Variants in CHD7 observed in about 807,000 individuals in gnomAD.
CHD7 encodes chromodomain helicase DNA binding protein 7.
In CHD7, 24 loss-of-function variants were observed where a neutral mutation model predicts 307.3. The observed-to-expected ratio is 0.08, with a 90% confidence interval of 0.06 to 0.11. The LOEUF (loss-of-function observed/expected upper bound fraction) is 0.11, where lower values mean the gene tolerates loss of function less well. CHD7 is among the 10% of genes least tolerant of loss of function. The probability of loss-of-function intolerance (pLI) is 1.00; values close to 1 mark genes in which losing one functional copy is unlikely to be tolerated. For synonymous variants in CHD7, 1,363 were observed against 1,349.9 expected, an observed-to-expected ratio of 1.01 and a Z score of -0.21; for missense variants, 3,106 against 3,727.1, an observed-to-expected ratio of 0.83 and a Z score of 4.34.
chr8:60,797,953 G>A (rs1812109054), intron 4 of CHD7, among the ~76,000 whole-genome samples: 1 of 152,186 alleles, frequency 6.6e-6, no homozygotes, highest in African/African-American at 2.4e-5. Flanking sequence ...CTCACATTAT[G>A]TACCATGTAC....
chr8:60,776,697 G>A (rs1810970968), intron 2 of CHD7, among the ~76,000 whole-genome samples: 1 of 152,052 alleles, frequency 6.6e-6, no homozygotes, highest in Admixed American at 6.6e-5. Flanking sequence ...TTTTTTATCA[G>A]TGTCATTGTT....
At chr8:60,844,112 C>T (rs1309102088) in intron 21 of CHD7, among the ~76,000 whole-genome samples, 1 of 152,216 alleles carries the variant, frequency 6.6e-6, no homozygotes, top group Non-Finnish European at 1.5e-5. Flanking sequence ...GCTGCCTGCC[C>T]CCGTACCTAT....
chr8:60,808,430 A>C (rs1812639023), intron 7 of CHD7, among the ~76,000 whole-genome samples, 158 bp downstream of exon 7: 1 of 152,164 alleles, frequency 6.6e-6, no homozygotes, highest in South Asian at 2.1e-4. Flanking sequence ...TGTATGTTTG[A>C]TATTTTATGA....
At chr8:60,803,194 C>T (rs1230479520) in intron 6 of CHD7, among the ~76,000 whole-genome samples, 1 of 152,036 alleles carries the variant, frequency 6.6e-6, no homozygotes, top group East Asian at 1.9e-4. Flanking sequence ...AAGAACAATC[C>T]CCTTCACTGA....
Position 60,822,743 on chromosome 8 carries a change from C to G in CHD7, c.3198C>G (p.Pro1066=), listed in dbSNP as rs1370913229. ...IQLYEMYFKD[P]QGRVIKGSYK... ...TGTATGAAATGTACTTCAAAGATCC[C>G]CAGGTAAACCTTCACAGGTTGTATT... The change falls in exon 12 of 38, where the codon CCC becomes CCG. Residue 1066 remains proline (P), a synonymous_variant. Coordinates refer to ENST00000423902, the MANE Select transcript of CHD7 (RefSeq NM_017780.4). 6.2e-7 allele frequency: 1 copy of G among 1,603,288 alleles called. No individual in the cohort carries two copies. The highest frequency in any genetic ancestry group is 1.7e-5 in the Admixed American group (1 of 59,688).
Position 60,787,834 on chromosome 8 carries a change from T to C in CHD7, c.2096+6404T>C, listed in dbSNP as rs1243213203. 2.3e-3 allele frequency among the ~76,000 whole-genome samples: 348 copies of C among 148,814 alleles called. 1 individual carries two copies. The highest frequency in any genetic ancestry group is 0.01 in the Middle Eastern group (3 of 292). ...GTAACTTGTAGATTTTCTTTCTTTT[T>C]TTTTTTTTTTTTTTGAAACAGACTC... On this transcript the variant is annotated intron_variant, in intron 3 of 37. Transcript: ENST00000423902.
chr8:60,760,385 A>G (rs914543486), intron 2 of CHD7, among the ~76,000 whole-genome samples: 1 of 148,860 alleles, frequency 6.7e-6, no homozygotes, highest in Non-Finnish European at 1.5e-5. Flanking sequence ...AAAACCATAA[A>G]AACCCTAGAA....
intron 1 of CHD7, among the ~76,000 whole-genome samples, chr8:60,690,451 A>C (rs377619305): frequency 6.6e-6 from 1 of 152,080 alleles, no homozygotes. Flanking sequence ...TAGTATGTTA[A>C]CTTTTCAATG....
intron 6 of CHD7, among the ~76,000 whole-genome samples, chr8:60,806,709 A>T (rs1203902074): frequency 6.6e-6 from 1 of 152,170 alleles, no homozygotes; most frequent in Non-Finnish European, 1.5e-5. Flanking sequence ...AAACTGTTTA[A>T]AATATAGGTT....
intron 2 of CHD7, among the ~76,000 whole-genome samples, chr8:60,779,874 A>G (rs1384456081): frequency 6.6e-6 from 1 of 152,272 alleles, no homozygotes; most frequent in East Asian, 1.9e-4. Context: ...GGTGTCTTCA[A>G]CTATAAAATT....
At chr8:60,690,041 GAT>G (rs1806116567) in intron 1 of CHD7, among the ~76,000 whole-genome samples, 1 of 152,152 alleles carries the variant, frequency 6.6e-6, no homozygotes, top group African/African-American at 2.4e-5. Flanking sequence ...GCCTCCGTGA[GAT>G]ATTTGCATAC....
At chr8:60,826,815 T>C (rs1804273350) in intron 13 of CHD7, among the ~76,000 whole-genome samples, 1 of 152,184 alleles carries the variant, frequency 6.6e-6, no homozygotes, top group South Asian at 2.1e-4. Flanking sequence ...AGTATCTCTT[T>C]CATTGTCAGG....
In CHD7 at chr8:60,743,007, C is replaced by T; in HGVS notation, c.1575C>T (p.His525=). The change falls in exon 2 of 38, where the codon CAC becomes CAT. Residue 525 remains histidine, a synonymous_variant. Coordinates refer to ENST00000423902, the MANE Select transcript of CHD7 (RefSeq NM_017780.4). ...PPLQPHPGLH[H]QSSPPHPHHQ... is the part of the protein sequence containing the mutation. ...TGCAGCCTCACCCGGGCTTGCACCA[C>T]CAGTCTTCACCTCCACACCCTCATC... is the stretch of plus-strand genomic sequence containing the variant. The T allele has an allele frequency of 6.2e-7, 1 of 1,613,910 alleles. No individual in the cohort carries two copies. The highest frequency in any genetic ancestry group is 8.5e-7 in the Non-Finnish European group (1 of 1,179,852).
At chr8:60,687,915 A>G (rs752594545) in intron 1 of CHD7, among the ~76,000 whole-genome samples, 1 of 152,220 alleles carries the variant, frequency 6.6e-6, no homozygotes, top group Non-Finnish European at 1.5e-5. Flanking sequence ...TGCCACGTAG[A>G]CCAGCTCTGG....
In CHD7 at chr8:60,829,839, A is replaced by T. The variant is rs185716697; in HGVS notation, c.3523-483A>T. On this transcript the variant is annotated intron_variant, in intron 14 of 37. Transcript: ENST00000423902. The stretch of plus-strand genomic sequence containing the variant: ...AAAACTGTATGGATTACTCAGTTCT[A>T]TTGCCAATCAATAGAAAAGAGAACC... Among the ~76,000 whole-genome samples the T allele has an allele frequency of 1.4e-3, 210 of 152,270 alleles. 1 individual carries two copies. Among genetic ancestry groups the T allele is most frequent in the African/African-American group, 4.9e-3 (205 of 41,546 alleles).
In CHD7 at chr8:60,852,574, C is replaced by G; in HGVS notation, c.5971C>G (p.Gln1991Glu). The G allele has an allele frequency of 1.2e-6, 2 of 1,613,932 alleles. No homozygotes were observed. The highest frequency in any genetic ancestry group is 1.7e-6 in the Non-Finnish European group (2 of 1,179,848). Residue 1991 changes from glutamine to glutamate, a missense_variant, in exon 30 of 38, where the codon CAA (glutamine) becomes GAA (glutamate). Gln to Glu is a conservative substitution (Grantham distance 29). Around this residue, in one of 10 missense-constraint regions of CHD7, gnomAD observed 1,030 missense variants for 1,165.4 expected, o/e 0.88. Coordinates refer to ENST00000423902, the MANE Select transcript of CHD7 (RefSeq NM_017780.4). ...FGVIFDPVKQ[Q>E]FDWNQFRAFA... ...GGTTATTTTTGACCCTGTGAAACAG[C>G]AATTTGACTGGAACCAATTTAGAGC...
intron 1 of CHD7, among the ~76,000 whole-genome samples, chr8:60,730,642 C>G (rs780146679): frequency 6.6e-6 from 1 of 152,086 alleles, no homozygotes; most frequent in East Asian, 1.9e-4. Context: ...GGGTGGATCA[C>G]GAGGTCAGGA....
At chr8:60,793,313 G>A (rs961482799) in intron 3 of CHD7, among the ~76,000 whole-genome samples, 4 of 151,808 alleles carry the variant, frequency 2.6e-5, no homozygotes, top group Non-Finnish European at 4.4e-5. Context: ...TTTAGAGCAC[G>A]GCCTTTTTTC....
rs777566596 is a variant in CHD7, at chr8:60,862,164, C to T, written c.7831-32C>T. The T allele has an allele frequency of 8.3e-6, 13 of 1,563,158 alleles. No homozygotes were observed. The Admixed American group carries it at 2.4e-4, about 29-fold the overall frequency. Reference sequence around the variant, plus strand: ...ATAGAGAAGAATAAGTACTAAATACCAATTTTACTAAATATGTTTTTTCTT... The same window carrying T: ...ATAGAGAAGAATAAGTACTAAATACTAATTTTACTAAATATGTTTTTTCTT... On this transcript the variant is annotated intron_variant, in intron 35 of 37. Coordinates refer to ENST00000423902, the MANE Select transcript of CHD7 (RefSeq NM_017780.4).
Sources: gnomAD v4.1 joint callset for allele counts (sites outside exome capture counted in the v4.1 genomes callset) on GRCh38, gnomAD v4.1.1 for gene constraint, gnomAD v4.1.1 regional missense constraint, MANE v1.5 for transcripts, NCBI Gene and HGNC (gene_info 2026-07-23, HGNC 2026-07-21) for gene names.